The following ROBO1 variants were observed in gnomAD, a reference collection of about 807,000 sequenced individuals.
ROBO1 encodes the protein roundabout homolog 1.
A neutral mutation model predicts 195.9 loss-of-function variants in ROBO1; 149 were observed. That is an observed-to-expected ratio of 0.76 (90% CI 0.67 to 0.87). ROBO1 has a LOEUF of 0.87. Ranked by LOEUF, ROBO1 falls within the 40% of genes least tolerant of loss-of-function variation. The probability of loss-of-function intolerance (pLI) is 0.00; values close to 1 mark genes in which losing one functional copy is unlikely to be tolerated. For synonymous variants in ROBO1, 816 were observed against 733.2 expected (o/e 1.11, Z -1.82); for missense variants, 1,933 against 2,068.3 (o/e 0.93, Z 1.27).
intron 2 of ROBO1, among the ~76,000 whole-genome samples, chr3:79,145,522 A>G (rs1267998770): frequency 1.3e-5 from 2 of 151,956 alleles, no homozygotes; most frequent in Non-Finnish European, 2.9e-5. Context: ...AAATAAATAT[A>G]TTTACTATAC....
intron 1 of ROBO1, among the ~76,000 whole-genome samples, chr3:79,727,780 T>C (rs1702982853): frequency 6.6e-6 from 1 of 152,296 alleles, no homozygotes; most frequent in Admixed American, 6.5e-5. Flanking sequence ...ATATTGGCCA[T>C]GATTCTACCT....
At chr3:79,057,974 A>C (rs2078843898) in intron 3 of ROBO1, among the ~76,000 whole-genome samples, 1 of 152,034 alleles carries the variant, frequency 6.6e-6, no homozygotes, top group African/African-American at 2.4e-5. Flanking sequence ...ATCCATCTAG[A>C]AACCCAAATC....
At chr3:79,088,255 C>T (rs1469556862) in intron 3 of ROBO1, among the ~76,000 whole-genome samples, 2 of 152,064 alleles carry the variant, frequency 1.3e-5, no homozygotes, top group South Asian at 4.1e-4. Context: ...TATAAACATC[C>T]ACTATCTTGT....
rs145266012 is a variant in ROBO1 at position 79,468,513 on chromosome 3, G to A, written c.88+121311C>T. ...ATATGTTAATTATTAGAGGTAAGTC[G>A]TATGTAATCAAGAGAAAGATACCTC... On this transcript the variant is annotated intron_variant, in intron 2 of 30. Transcript: ENST00000464233. Among the ~76,000 whole-genome samples, 1,167 of 152,152 alleles carry A rather than the reference G, an allele frequency of 7.7e-3. 23 individuals are homozygous for A. The highest frequency in any genetic ancestry group is 0.025 in the African/African-American group (1,041 of 41,498).
intron 2 of ROBO1, among the ~76,000 whole-genome samples, chr3:79,453,887 A>T (rs1032076944): frequency 2.0e-5 from 3 of 152,122 alleles, no homozygotes; most frequent in African/African-American, 4.8e-5. Flanking sequence ...GGCTCTGACA[A>T]CAGCAACAAT....
At chr3:78,721,182 A>G (rs1318722364) in intron 5 of ROBO1, among the ~76,000 whole-genome samples, 2 of 152,212 alleles carry the variant, frequency 1.3e-5, no homozygotes, top group African/African-American at 4.8e-5. Context: ...TATCTTAATT[A>G]CTGCTTAATA....
intron 4 of ROBO1, among the ~76,000 whole-genome samples, chr3:78,825,397 A>G (rs553118161): frequency 6.6e-6 from 1 of 152,264 alleles, no homozygotes; most frequent in South Asian, 2.1e-4. Context: ...CATGCAAAAC[A>G]GGTAGCTGAT....
At chr3:79,244,371 C>A (rs972533292) in intron 2 of ROBO1, among the ~76,000 whole-genome samples, 5 of 152,048 alleles carry the variant, frequency 3.3e-5, no homozygotes, top group African/African-American at 1.2e-4. Flanking sequence ...ACACTGACAG[C>A]CCTTAAAAGG....
rs532205069 is a variant in ROBO1 at position 78,668,518 on chromosome 3, A to G, written c.1596T>C (p.Gly532=). The part of the protein sequence containing the change: ...RYTCIASTPS[G]EATWSAYIEV... ...CAATGTAAGCACTCCATGTTGCTTC[A>G]CCACTGGGGGTTGATGCAATGCAGG... The change falls in exon 12 of 31, where the codon GGT becomes GGC. Residue 532 remains glycine, a synonymous_variant. Coordinates refer to ENST00000464233, the MANE Select transcript of ROBO1 (RefSeq NM_002941.4). The G allele has an allele frequency of 4.3e-6, 7 of 1,613,774 alleles. No individual in the cohort carries two copies. The highest frequency in any genetic ancestry group is 1.3e-5 in the African/African-American group (1 of 74,922).
At chr3:79,510,205 T>G (rs1016752022) in intron 2 of ROBO1, among the ~76,000 whole-genome samples, 1 of 152,172 alleles carries the variant, frequency 6.6e-6, no homozygotes, top group African/African-American at 2.4e-5. Context: ...AGGCACCGGA[T>G]AGGAGGTAAT....
intron 3 of ROBO1, among the ~76,000 whole-genome samples, chr3:79,000,276 T>C (rs1447085809): frequency 2.0e-5 from 3 of 152,140 alleles, no homozygotes; most frequent in South Asian, 2.1e-4. Flanking sequence ...GGGTTGTTTT[T>C]TTCTTGTAAA....
At chr3:78,701,788 C>T (rs1432104917) in intron 8 of ROBO1, among the ~76,000 whole-genome samples, 1 of 152,132 alleles carries the variant, frequency 6.6e-6, no homozygotes, top group African/African-American at 2.4e-5. Flanking sequence ...ATCGACCACA[C>T]AAAATAAATG....
chr3:79,610,936 G>A (rs1277991982), intron 1 of ROBO1, among the ~76,000 whole-genome samples: 1 of 152,072 alleles, frequency 6.6e-6, no homozygotes. Flanking sequence ...TATCTCACTT[G>A]CAGAATTAGT....
chr3:79,210,886 C>T (rs573153817), intron 2 of ROBO1, among the ~76,000 whole-genome samples: 11 of 152,148 alleles, frequency 7.2e-5, no homozygotes, highest in Admixed American at 3.9e-4. Flanking sequence ...CTAAATCAGA[C>T]GTCCTAATTT....
chr3:79,144,621 G>C (rs1255983003), intron 2 of ROBO1, among the ~76,000 whole-genome samples: 1 of 151,870 alleles, frequency 6.6e-6, no homozygotes, highest in Non-Finnish European at 1.5e-5. Flanking sequence ...AGCTTTGTAG[G>C]TCCTTTAGAA....
chr3:79,375,906 C>T (rs1222206186), intron 2 of ROBO1, among the ~76,000 whole-genome samples: 1 of 152,194 alleles, frequency 6.6e-6, no homozygotes, highest in African/African-American at 2.4e-5. Context: ...AGTTGTGTGA[C>T]ATTGAGCAAT....
At position 79,360,972 on chromosome 3, in the gene ROBO1, C is replaced by G. The variant is rs181930936; in HGVS notation, c.88+228852G>C. On this transcript the variant is annotated intron_variant, in intron 2 of 30. Transcript: ENST00000464233. ...TCAATAAATTGATCCATGGTGCAGC[C>G]TTGGTTTCTATAGTTTTAACATTTG... is the stretch of plus-strand genomic sequence containing the variant. Among the ~76,000 whole-genome samples, 114 of 152,134 alleles carry G rather than the reference C, an allele frequency of 7.5e-4. 1 individual carries two copies. Among genetic ancestry groups the G allele is most frequent in the African/African-American group, 2.6e-3 (109 of 41,532 alleles).
intron 2 of ROBO1, among the ~76,000 whole-genome samples, chr3:79,209,352 T>C (rs60429199): frequency 0.025 from 3,840 of 152,320 alleles, 147 homozygotes; most frequent in African/African-American, 0.083. Context: ...TAGTATTCCA[T>C]GGTGTATGTA....
intron 1 of ROBO1, among the ~76,000 whole-genome samples, chr3:79,648,401 A>G (rs1248822031): frequency 6.6e-6 from 1 of 152,118 alleles, no homozygotes; most frequent in Non-Finnish European, 1.5e-5. Context: ...TCCAACACAG[A>G]CACACATATA....
Sources: gnomAD v4.1 joint callset for allele counts (sites outside exome capture counted in the v4.1 genomes callset) on GRCh38, gnomAD v4.1.1 for gene constraint, MANE v1.5 for transcripts, NCBI Gene and HGNC (gene_info 2026-07-23, HGNC 2026-07-21) for gene names.